The following FBN3 variants were observed in gnomAD, a reference collection of about 807,000 sequenced individuals.
The protein encoded by FBN3 is fibrillin-3.
In FBN3, 234 loss-of-function variants were observed where a neutral mutation model predicts 330.1. That is an observed-to-expected ratio of 0.71 (90% CI 0.64 to 0.79). FBN3 has a LOEUF of 0.79. Among genes scored for constraint, FBN3 ranks in the 30% least tolerant of loss-of-function variants. The pLI, the probability that FBN3 is intolerant of heterozygous loss-of-function variation, is 0.00. For missense variants in FBN3, 3,606 were observed against 3,886.9 expected, an observed-to-expected ratio of 0.93 and a Z score of 1.92; for synonymous variants, 1,458 against 1,517.3, an observed-to-expected ratio of 0.96 and a Z score of 0.91.
intron 41 of FBN3, among the ~76,000 whole-genome samples, chr19:8,099,576 G>A (rs935751649): frequency 3.3e-5 from 5 of 151,500 alleles, no homozygotes; most frequent in Non-Finnish European, 7.4e-5. Context: ...CACCACGCCC[G>A]GCCGCCATGG....
In FBN3 at chr19:8,066,166, G is replaced by T. The variant is rs143150244; in HGVS notation, c.8183C>A (p.Pro2728Gln). 1.9e-6 allele frequency: 3 copies of T among 1,612,876 alleles called. No individual in the cohort carries two copies. Among genetic ancestry groups the T allele is most frequent in the Non-Finnish European group, 2.5e-6 (3 of 1,179,658 alleles). Reference protein sequence around the residue: ...GRAERILELRPALEGLEGRIR... With the variant: ...GRAERILELRQALEGLEGRIR... ...CCGGCCCTCTAGACCCTCCAGGGCC[G>T]GCCGGAGCTCCAGGATGCGCTCGGC... Residue 2728 changes from proline (P) to glutamine (Q), a missense_variant, in exon 64 of 64, where the codon CCG becomes CAG. Transcript: ENST00000600128.
At chr19:8,087,335 T>G in intron 53 of FBN3, 124 bp from the exon 54 acceptor site, 1 of 1,095,220 alleles carries the variant, frequency 9.1e-7, no homozygotes. Flanking sequence ...CTGTCAAATG[T>G]CTATCCCTCT....
chr19:8,065,918 A>C lies in FBN3; in HGVS notation c.*1T>G. On this transcript the variant is annotated 3_prime_UTR_variant, in exon 64 of 64. Coordinates refer to ENST00000600128, the MANE Select transcript of FBN3 (RefSeq NM_032447.5). Reference sequence around the variant, plus strand: ...CTGGGGCCCACTGAGGCTCCTCCCAACTAAAGCAACTGCAGCTGCACCTTC... The same window carrying C: ...CTGGGGCCCACTGAGGCTCCTCCCACCTAAAGCAACTGCAGCTGCACCTTC... 1.3e-6 allele frequency: 2 copies of C among 1,566,342 alleles called. No homozygotes were observed. Among genetic ancestry groups the C allele is most frequent in the Non-Finnish European group, 1.7e-6 (2 of 1,154,506 alleles).
In FBN3 at chr19:8,125,878, T is replaced by C. The variant is rs779118540; in HGVS notation, c.2731+14A>G. 2 of 1,598,226 alleles carry C rather than the reference T, an allele frequency of 1.3e-6. No individual in the cohort carries two copies. Among genetic ancestry groups the C allele is most frequent in the East Asian group, 2.2e-5 (1 of 44,480 alleles). ...GAACGTGTGGCCCTGTATGCGGACC[T>C]CGCCTGGACTCACCCACGCACAGCC... On this transcript the variant is annotated intron_variant, in intron 22 of 63. Coordinates refer to ENST00000600128, the MANE Select transcript of FBN3 (RefSeq NM_032447.5).
chr19:8,119,094 C>A (rs963347606), intron 25 of FBN3, 72 bp from the exon 26 acceptor site: 3 of 1,506,640 alleles, frequency 2.0e-6, no homozygotes, highest in Non-Finnish European at 1.8e-6. Context: ...GAGGCTCATG[C>A]TGGCTTCTCT....
At chr19:8,097,654 C>T (rs1251723983) in intron 41 of FBN3, among the ~76,000 whole-genome samples, 1 of 152,206 alleles carries the variant, frequency 6.6e-6, no homozygotes, top group African/African-American at 2.4e-5. Flanking sequence ...AAAATACACA[C>T]TTCCTGTGAC....
chr19:8,137,495 T>C (rs888636436), intron 10 of FBN3, among the ~76,000 whole-genome samples: 3 of 152,006 alleles, frequency 2.0e-5, no homozygotes, highest in Non-Finnish European at 4.4e-5. Context: ...ATGCCCAGAC[T>C]CCCACTCTGG....
chr19:8,070,849 C>T (rs112421577), intron 63 of FBN3, among the ~76,000 whole-genome samples: 4 of 152,080 alleles, frequency 2.6e-5, no homozygotes, highest in African/African-American at 9.6e-5. Flanking sequence ...ATGAAGAAAC[C>T]CCGTCTCTAC....
At position 8,129,078 on chromosome 19, in the gene FBN3, C is replaced by A; in HGVS notation, c.2246G>T (p.Cys749Phe). 1.2e-6 allele frequency: 2 copies of A among 1,613,446 alleles called. No homozygotes were observed. The highest frequency in any genetic ancestry group is 1.7e-6 in the Non-Finnish European group (2 of 1,179,962). The change falls in exon 18 of 64, where the codon TGC (cysteine) becomes TTC (phenylalanine). Residue 749 changes from cysteine (C) to phenylalanine (F), a missense_variant. Coordinates refer to ENST00000600128, the MANE Select transcript of FBN3 (RefSeq NM_032447.5). This position sits in a 1 kb window ranked among gnomAD's most constrained non-coding sequence, Gnocchi z 4.5. ...GAAGTGGAAGCCGGGGGGGCAGGAG[C>A]AGCTGTAGCTGCCAGGGCTATTCTG... ...WCQNSPGSYS[C>F]SCPPGFHFWQ...
intron 36 of FBN3, 32 bp from the exon 37 acceptor site, chr19:8,108,270 G>C (rs747827425): frequency 2.5e-6 from 4 of 1,577,352 alleles, no homozygotes; most frequent in Non-Finnish European, 3.5e-6. Flanking sequence ...TGTGAGGTGG[G>C]GTATTGGGGC....
intron 38 of FBN3, 131 bp from the exon 39 acceptor site, chr19:8,103,818 G>T: frequency 1.3e-6 from 1 of 769,960 alleles, no homozygotes. Context: ...AGTTTAAAAC[G>T]CACACACATC....
At chr19:8,112,394 C>G (rs2082609262) in intron 30 of FBN3, among the ~76,000 whole-genome samples, 1 of 152,194 alleles carries the variant, frequency 6.6e-6, no homozygotes, top group Non-Finnish European at 1.5e-5. Flanking sequence ...CGCCTGTAAT[C>G]CCAGCACTTT....
chr19:8,121,157 T>A lies in FBN3; in HGVS notation c.3211+101A>T. 1 of 1,139,976 alleles carries A rather than the reference T, an allele frequency of 8.8e-7. No homozygotes were observed. Among genetic ancestry groups the A allele is most frequent in the East Asian group, 2.6e-5 (1 of 39,088 alleles). The allele number at this position is 1,139,976 out of a possible 1,614,324, so 70.6% of individuals were successfully genotyped here. On this transcript the variant is annotated intron_variant, in intron 25 of 63. Coordinates refer to ENST00000600128, the MANE Select transcript of FBN3 (RefSeq NM_032447.5). The surrounding 1 kb of genome is among the most constrained non-coding windows in gnomAD (Gnocchi z 4.5). Reference sequence around the variant, plus strand: ...ACAGCTCCTCCCTCCTCCTGCCCCCTCCATCCACGTCCACACAGCAACAGC... The same window carrying A: ...ACAGCTCCTCCCTCCTCCTGCCCCCACCATCCACGTCCACACAGCAACAGC...
At chr19:8,124,543 T>G (rs2082934815) in intron 22 of FBN3, among the ~76,000 whole-genome samples, 1 of 123,104 alleles carries the variant, frequency 8.1e-6, no homozygotes, top group African/African-American at 4.3e-5. Context: ...TGGCCAATTT[T>G]TTTTTTTTTT....
At position 8,072,095 on chromosome 19, in the gene FBN3, G is replaced by C; in HGVS notation, c.8041C>G (p.Leu2681Val). 6.2e-7 allele frequency: 1 copy of C among 1,612,720 alleles called. No individual in the cohort carries two copies. The highest frequency in any genetic ancestry group is 1.1e-5 in the South Asian group (1 of 91,036). ...EACYECKINGLSPRDRPRRSA... is the reference protein window; with the variant it reads ...EACYECKINGVSPRDRPRRSA... ...CGTCGTGGCCGGTCCCGAGGGGAGA[G>C]GCCATTGATCTTGCATTCGTAGCAG... The change falls in exon 63 of 64, where the codon CTC becomes GTC. Residue 2681 changes from leucine (L) to valine (V), a missense_variant. Physicochemically the swap from Leu to Val is conservative, Grantham distance 32 (BLOSUM62 1). Transcript: ENST00000600128.
At position 8,117,233 on chromosome 19, in the gene FBN3, C is replaced by G; in HGVS notation, c.3522G>C (p.Glu1174Asp). ...GGCDVHCINT[E>D]GSYRCSCGQG... ...GCCCACAGCTGCACCGGTAGCTGCC[C>G]TCAGTGTTAATACAGTGCACGTCAC... Residue 1174 changes from glutamate to aspartate, a missense_variant, in exon 28 of 64, where the codon GAG (glutamate) becomes GAC (aspartate). Transcript: ENST00000600128. 6.2e-7 allele frequency: 1 copy of G among 1,614,032 alleles called. No homozygotes were observed. The highest frequency in any genetic ancestry group is 8.5e-7 in the Non-Finnish European group (1 of 1,179,982).
At chr19:8,087,985 T>G in intron 52 of FBN3, 38 bp from the exon 53 acceptor site, 2 of 1,614,070 alleles carry the variant, frequency 1.2e-6, no homozygotes, top group Non-Finnish European at 8.5e-7. Context: ...GGGTAGGGAC[T>G]GAGGGCGGGA....
intron 27 of FBN3, 65 bp from the exon 28 acceptor site, chr19:8,117,356 G>A (rs1025738936): frequency 9.1e-6 from 14 of 1,536,030 alleles, no homozygotes; most frequent in Non-Finnish European, 1.2e-5. Flanking sequence ...GGAGGGGGCT[G>A]GTTTGGGGGT....
Position 8,073,127 on chromosome 19 carries a change from A to G in FBN3, c.7873T>C (p.Cys2625Arg). Residue 2625 changes from cysteine to arginine, a missense_variant, in exon 62 of 64, where the codon TGT becomes CGT. Physicochemically the swap from Cys to Arg is radical, Grantham distance 180. Coordinates refer to ENST00000600128, the MANE Select transcript of FBN3 (RefSeq NM_032447.5). ...AGRRGPCSYS[C>R]ANTPGGFLCG... ...AGGAAGCCACCAGGCGTGTTGGCAC[A>G]GCTGTAGCTACAGGGGCCACGCCGT... is the stretch of plus-strand genomic sequence containing the variant. 6.2e-7 allele frequency: 1 copy of G among 1,613,870 alleles called. No individual in the cohort carries two copies. Among genetic ancestry groups the G allele is most frequent in the South Asian group, 1.1e-5 (1 of 91,070 alleles).
Sources: gnomAD v4.1 joint callset for allele counts (sites outside exome capture counted in the v4.1 genomes callset) on GRCh38, gnomAD v4.1.1 for gene constraint, Gnocchi (gnomAD v3.1) non-coding constraint, MANE v1.5 for transcripts, NCBI Gene and HGNC (gene_info 2026-07-23, HGNC 2026-07-21) for gene names.